NEBL: variants seen among roughly 807,000 people sequenced by gnomAD.
NEBL encodes the protein nebulette, also known as LIM and SH3 protein 2.
A neutral mutation model predicts 140.2 loss-of-function variants in NEBL; 122 were observed. The ratio of observed to expected loss-of-function variants is 0.87; its 90% CI spans 0.75 to 1.01. The LOEUF is 1.01. Among genes scored for constraint, NEBL ranks in the 50% least tolerant of loss-of-function variants. The pLI is 0.00. For synonymous variants in NEBL, 436 were observed against 398.9 expected, an observed-to-expected ratio of 1.09 and a Z score of -1.11; for missense variants, 1,365 against 1,231.3, an observed-to-expected ratio of 1.11 and a Z score of -1.62.
intron 3 of NEBL, among the ~76,000 whole-genome samples, chr10:21,233,658 A>C (rs11012595): frequency 6.9e-6 from 1 of 144,902 alleles, no homozygotes; most frequent in Non-Finnish European, 1.5e-5. Flanking sequence ...ATATACATAT[A>C]TAGATATATA....
chr10:20,888,338 T>G (rs1467517868), intron 3 of NEBL, 131 bp from the exon 4 acceptor site: 2 of 663,548 alleles, frequency 3.0e-6, no homozygotes, highest in Non-Finnish European at 5.3e-6. Context: ...CCATTTTAAT[T>G]TTAGATACCA....
At chr10:21,188,940 A>C (rs931009189) in intron 3 of NEBL, among the ~76,000 whole-genome samples, 1 of 152,188 alleles carries the variant, frequency 6.6e-6, no homozygotes, top group African/African-American at 2.4e-5. Flanking sequence ...GATGAAAATT[A>C]CTATTGTTTT....
chr10:21,210,944 AC>A (rs1347454172), intron 3 of NEBL, among the ~76,000 whole-genome samples: 2 of 152,218 alleles, frequency 1.3e-5, no homozygotes, highest in Non-Finnish European at 2.9e-5. Context: ...GCTGGGTTGC[AC>A]CTATTGTTTC....
rs1842179194 is a variant in NEBL, at chr10:21,227,710, CTTT to C, written n.348+20208_348+20210del. Among the ~76,000 whole-genome samples, 6 of 44,092 alleles carry C rather than the reference CTTT, an allele frequency of 1.4e-4. No individual in the cohort carries two copies. In the South Asian group the frequency reaches 2.4e-3, roughly 18 times the overall value. 28.9% of individuals were successfully genotyped at this position (44,092 alleles called of 152,430 possible). A position where few individuals can be genotyped will look rare whatever the true frequency, so the allele number is the denominator to read the frequency against. On this transcript the variant is annotated intron_variant and non_coding_transcript_variant, in intron 3 of 8. Transcript: ENST00000675702. ...TCTTCTTCTTCTTCTTCTTCTTCTT[CTTT>C]CTTCTTCTTCTTCTTCTTCTTCTTC...
chr10:20,854,077 C>A (rs955322223), intron 9 of NEBL, among the ~76,000 whole-genome samples: 1 of 152,084 alleles, frequency 6.6e-6, no homozygotes, highest in African/African-American at 2.4e-5. Context: ...TTCATGATTT[C>A]TATCATTGGA....
intron 3 of NEBL, among the ~76,000 whole-genome samples, chr10:21,191,315 A>G (rs962683242): frequency 2.6e-5 from 4 of 152,180 alleles, no homozygotes; most frequent in African/African-American, 9.7e-5. Context: ...TGATAACCCC[A>G]TTTTATAGAT....
In NEBL at chr10:21,246,406, C is replaced by T. The variant is rs548710380; in HGVS notation, n.348+1515G>A. Among the ~76,000 whole-genome samples, 8 of 152,254 alleles carry T rather than the reference C, an allele frequency of 5.3e-5. No individual in the cohort carries two copies. In the South Asian group the frequency reaches 1.0e-3, roughly 20 times the overall value. ...ATGTTACGTCATACAAAAACTGGGA[C>T]GTGAAGGTTTATAGCAATTCTATTC... is the stretch of plus-strand genomic sequence containing the variant. On this transcript the variant is annotated intron_variant and non_coding_transcript_variant, in intron 3 of 8. Coordinates refer to the NEBL transcript ENST00000675702.
chr10:20,802,576 A>G (rs1462148753), intron 26 of NEBL, among the ~76,000 whole-genome samples: 2 of 152,262 alleles, frequency 1.3e-5, no homozygotes, highest in African/African-American at 4.8e-5. Context: ...AATCAAAGTA[A>G]GATGGGAAAA....
At chr10:21,110,346 G>C (rs1837937945) in intron 2 of NEBL, among the ~76,000 whole-genome samples, 1 of 151,938 alleles carries the variant, frequency 6.6e-6, no homozygotes, top group African/African-American at 2.4e-5. Context: ...TTCTTAATAG[G>C]CCTATGTCTT....
intron 3 of NEBL, among the ~76,000 whole-genome samples, chr10:21,018,901 G>A (rs754210193): frequency 2.6e-5 from 4 of 152,114 alleles, no homozygotes; most frequent in East Asian, 1.9e-4. Flanking sequence ...GGTAGCAGGC[G>A]CCTGTAATCC....
chr10:21,149,121 G>A (rs560294700), intron 2 of NEBL, among the ~76,000 whole-genome samples: 23 of 152,234 alleles, frequency 1.5e-4, no homozygotes, highest in South Asian at 6.2e-4. Context: ...GGGTGTCCAC[G>A]CTTCAATCAC....
At chr10:20,909,725 T>C (rs1446438856) in intron 4 of NEBL, among the ~76,000 whole-genome samples, 1 of 152,078 alleles carries the variant, frequency 6.6e-6, no homozygotes, top group Non-Finnish European at 1.5e-5. Flanking sequence ...ATTCTCTCAA[T>C]TGGGATAGAG....
chr10:21,265,685 A>G (rs1378231892), intron 1 of NEBL, among the ~76,000 whole-genome samples: 1 of 152,208 alleles, frequency 6.6e-6, no homozygotes, highest in Non-Finnish European at 1.5e-5. Context: ...AACCTGGGAA[A>G]CTGTATAAAA....
intron 26 of NEBL, chr10:20,793,477 C>A: frequency 3.4e-6 from 1 of 290,288 alleles, no homozygotes; most frequent in Non-Finnish European, 5.1e-6. Context: ...AGGTCCCCCA[C>A]ACCAATTATA....
intron 2 of NEBL, among the ~76,000 whole-genome samples, chr10:21,123,101 T>C (rs74121026): frequency 0.03 from 4,546 of 152,280 alleles, 217 homozygotes; most frequent in African/African-American, 0.1. Flanking sequence ...GAAGACTGCC[T>C]TCTACAGGTG....
chr10:21,131,055 G>T (rs1839080801), intron 2 of NEBL, among the ~76,000 whole-genome samples: 1 of 151,956 alleles, frequency 6.6e-6, no homozygotes, highest in Middle Eastern at 3.2e-3. Flanking sequence ...TGAAAGAGGG[G>T]CCATCATTAC....
At chr10:21,278,852 G>C (rs79396500) in intron 1 of NEBL, among the ~76,000 whole-genome samples, 1 of 151,978 alleles carries the variant, frequency 6.6e-6, no homozygotes, top group African/African-American at 2.4e-5. Context: ...CTCACTCCCC[G>C]CAAGGCCTGT....
chr10:21,016,515 T>C (rs558123918), intron 3 of NEBL, among the ~76,000 whole-genome samples: 29 of 152,228 alleles, frequency 1.9e-4, no homozygotes, highest in Non-Finnish European at 4.1e-4. Context: ...AATAACTTTC[T>C]AGATTGAATT....
At chr10:21,244,467 C>T (rs938788916) in intron 3 of NEBL, among the ~76,000 whole-genome samples, 2 of 151,862 alleles carry the variant, frequency 1.3e-5, no homozygotes, top group East Asian at 3.9e-4. Flanking sequence ...GCCTGGCTAA[C>T]ATGGTGAAAC....
Sources: gnomAD v4.1 joint callset for allele counts (sites outside exome capture counted in the v4.1 genomes callset) on GRCh38, gnomAD v4.1.1 for gene constraint, MANE v1.5 for transcripts, NCBI Gene and HGNC (gene_info 2026-07-23, HGNC 2026-07-21) for gene names.